PIEZO2: variants seen among roughly 807,000 people sequenced by gnomAD.
PIEZO2 encodes the protein piezo type mechanosensitive ion channel component 2.
PIEZO2 carries 172 observed loss-of-function variants against 337.3 expected under a neutral mutation model. The observed-to-expected ratio is 0.51, with a 90% CI of 0.45 to 0.58. The LOEUF is 0.58. Ranked by LOEUF, PIEZO2 falls within the 20% of genes least tolerant of loss-of-function variation. The pLI is 0.00. For missense variants in PIEZO2, 3,028 were observed against 3,391.3 expected (o/e 0.89, Z 2.66); for synonymous variants, 1,251 against 1,228.5 (o/e 1.02, Z -0.38).
rs1433920416 is a variant in PIEZO2 at position 10,863,316 on chromosome 18, TAC to T, written c.493-6107_493-6106del. Reference sequence around the variant, plus strand: ...AGATGTGTTTGAATGCTATTGTGTGTACCTTATGCAAGCCTAACGTGATCGCA... The same window carrying T: ...AGATGTGTTTGAATGCTATTGTGTGTCTTATGCAAGCCTAACGTGATCGCA... On this transcript the variant is annotated intron_variant, in intron 5 of 55. Coordinates refer to ENST00000674853, the MANE Select transcript of PIEZO2 (RefSeq NM_001378183.1). The surrounding 1 kb of genome is among the most constrained non-coding windows in gnomAD (Gnocchi z 4.3). Among the ~76,000 whole-genome samples, 2 of 152,228 alleles carry T rather than the reference TAC, an allele frequency of 1.3e-5. No homozygotes were observed. The highest frequency in any genetic ancestry group is 2.4e-5 in the African/African-American group (1 of 41,468).
chr18:11,054,436 T>A lies in PIEZO2; in HGVS notation c.160+11691A>T, dbSNP rs145541066. Among the ~76,000 whole-genome samples the A allele has an allele frequency of 2.6e-5, 4 of 152,384 alleles. No homozygotes were observed. The East Asian group carries it at 7.7e-4, about 29-fold the overall frequency. Reference sequence around the variant, plus strand: ...CAGGACTAGAGTTAGTTTCATACGTTCGTCTAAAATCCTAGACACTGGAAA... The same window carrying A: ...CAGGACTAGAGTTAGTTTCATACGTACGTCTAAAATCCTAGACACTGGAAA... On this transcript the variant is annotated intron_variant, in intron 2 of 55. Coordinates refer to ENST00000674853, the MANE Select transcript of PIEZO2 (RefSeq NM_001378183.1).
rs1483881894 is a variant in PIEZO2 at position 10,859,836 on chromosome 18, G to T, written c.493-2625C>A. Among the ~76,000 whole-genome samples the T allele has an allele frequency of 6.6e-6, 1 of 152,212 alleles. No individual in the cohort carries two copies. Among genetic ancestry groups the T allele is most frequent in the African/African-American group, 2.4e-5 (1 of 41,450 alleles). On this transcript the variant is annotated intron_variant, in intron 5 of 55. Transcript: ENST00000674853. This position sits in a 1 kb window ranked among gnomAD's most constrained non-coding sequence, Gnocchi z 4.9. ...TTGCTCCTGGGGCGGAGCAGAGGGA[G>T]GCAGCAGCGGGGAGGTGGTGGCTGT...
At chr18:10,887,903 C>A (rs2042653123) in intron 4 of PIEZO2, among the ~76,000 whole-genome samples, 1 of 152,144 alleles carries the variant, frequency 6.6e-6, no homozygotes, top group African/African-American at 2.4e-5. Context: ...CCCAGCTCAT[C>A]CCACCGTGAT....
chr18:11,001,752 C>T lies in PIEZO2; in HGVS notation c.161-22092G>A, dbSNP rs2035541844. Among the ~76,000 whole-genome samples, 1 of 152,034 alleles carries T rather than the reference C, an allele frequency of 6.6e-6. No individual in the cohort carries two copies. Among genetic ancestry groups the T allele is most frequent in the South Asian group, 2.1e-4 (1 of 4,822 alleles). On this transcript the variant is annotated intron_variant, in intron 2 of 55. Coordinates refer to ENST00000674853, the MANE Select transcript of PIEZO2 (RefSeq NM_001378183.1). The surrounding 1 kb of genome is among the most constrained non-coding windows in gnomAD (Gnocchi z 5.3). The stretch of plus-strand genomic sequence containing the variant: ...AATGGGCCATGCACAGTGGCTCACA[C>T]CTGTAACCCCAGCCACTCGGGAGGC...
chr18:10,944,505 ATCT>A (rs1234899327), intron 3 of PIEZO2, among the ~76,000 whole-genome samples: 1 of 25,144 alleles, frequency 4.0e-5, no homozygotes. Flanking sequence ...ATATATATAT[ATCT>A]TAGTAACAGA....
intron 2 of PIEZO2, among the ~76,000 whole-genome samples, chr18:11,055,248 G>GCAGGGT (rs1217291636): frequency 2.6e-4 from 39 of 151,780 alleles, no homozygotes; most frequent in African/African-American, 9.2e-4. Context: ...TCACCAAGGG[G>GCAGGGT]CAGGGGCAGG....
At chr18:11,051,370 G>GTGTGTGTGTGTGTGTGT (rs1568330522) in intron 2 of PIEZO2, among the ~76,000 whole-genome samples, 2 of 97,234 alleles carry the variant, frequency 2.1e-5, no homozygotes, top group Non-Finnish European at 5.8e-5. Context: ...TGTGTGTGTG[G>GTGTGTGTGTGTGTGTGT]GTGTGGGTGT....
chr18:11,092,516 T>C lies in PIEZO2; in HGVS notation c.65-26294A>G, dbSNP rs1414735781. Among the ~76,000 whole-genome samples, 1 of 152,238 alleles carries C rather than the reference T, an allele frequency of 6.6e-6. No homozygotes were observed. Among genetic ancestry groups the C allele is most frequent in the African/African-American group, 2.4e-5 (1 of 41,460 alleles). ...TTCCGTGGTTACAGATTTTAGTCTA[T>C]ATTTTCTAGAATTAGCATAAATACT... is the stretch of plus-strand genomic sequence containing the variant. On this transcript the variant is annotated intron_variant, in intron 1 of 55. Coordinates refer to ENST00000674853, the MANE Select transcript of PIEZO2 (RefSeq NM_001378183.1). The surrounding 1 kb of genome is among the most constrained non-coding windows in gnomAD (Gnocchi z 4.5).
At chr18:10,768,911 G>A (rs139556616) in intron 21 of PIEZO2, among the ~76,000 whole-genome samples, 11 of 152,206 alleles carry the variant, frequency 7.2e-5, no homozygotes, top group South Asian at 2.1e-4. Flanking sequence ...GATTCTCTGC[G>A]TCCGACTCCC....
Position 10,673,765 on chromosome 18 carries a change from G to T in PIEZO2, c.8162-892C>A, listed in dbSNP as rs1044879616. On this transcript the variant is annotated intron_variant, in intron 54 of 55. Coordinates refer to ENST00000674853, the MANE Select transcript of PIEZO2 (RefSeq NM_001378183.1). This position sits in a 1 kb window ranked among gnomAD's most constrained non-coding sequence, Gnocchi z 4.8. ...ACTATAAACTAAACTGTGTGAAGGT[G>T]GGAGCAACATCAGCATCATTTCATA... is the stretch of plus-strand genomic sequence containing the variant. Among the ~76,000 whole-genome samples, 3 of 152,132 alleles carry T rather than the reference G, an allele frequency of 2.0e-5. No individual in the cohort carries two copies. The highest frequency in any genetic ancestry group is 4.4e-5 in the Non-Finnish European group (3 of 68,024).
chr18:10,807,111 C>A lies in PIEZO2; in HGVS notation c.1080+1G>T. On this transcript the variant is annotated splice_donor_variant, in intron 8 of 55. Transcript: ENST00000674853. LOFTEE classifies it high-confidence loss of function. ...GATCATGAAAATGTTTTTGTCCTTA[C>A]AAGGGGCTCTTGCAGCCAGATGCGG... 1 of 1,532,958 alleles carries A rather than the reference C, an allele frequency of 6.5e-7. No individual in the cohort carries two copies. 95.0% of individuals were successfully genotyped at this position (1,532,958 alleles called of 1,614,324 possible).
chr18:10,802,081 G>C (rs1403763585), intron 9 of PIEZO2, among the ~76,000 whole-genome samples: 1 of 84,588 alleles, frequency 1.2e-5, no homozygotes, highest in Admixed American at 1.6e-4. Flanking sequence ...GCGAGACTCC[G>C]TCTCAAAAAA....
chr18:10,747,648 T>C (rs1477858787), intron 30 of PIEZO2, among the ~76,000 whole-genome samples: 1 of 152,198 alleles, frequency 6.6e-6, no homozygotes, highest in East Asian at 1.9e-4. Context: ...CTCTTTCTAT[T>C]TGACTCCAAG....
chr18:10,961,485 C>A (rs1014916552), intron 3 of PIEZO2, among the ~76,000 whole-genome samples: 8 of 151,924 alleles, frequency 5.3e-5, no homozygotes, highest in African/African-American at 1.9e-4. Flanking sequence ...GATGGGTGAA[C>A]CAAAATCTCA....
chr18:10,965,267 T>A (rs1003229506), intron 3 of PIEZO2, among the ~76,000 whole-genome samples: 3 of 152,254 alleles, frequency 2.0e-5, no homozygotes, highest in African/African-American at 7.2e-5. Context: ...AGCTCCAGTT[T>A]CTCCACATTC....
At position 11,102,981 on chromosome 18, in the gene PIEZO2, C is replaced by G. The variant is rs971276740; in HGVS notation, c.65-36759G>C. Among the ~76,000 whole-genome samples the G allele has an allele frequency of 7.9e-5, 12 of 152,088 alleles. No homozygotes were observed. ...GGTCTTCTGTGGGTCAGGTGTCTCC[C>G]CTGAACCAATCACTCTTGGCTAGGG... is the stretch of plus-strand genomic sequence containing the variant. On this transcript the variant is annotated intron_variant, in intron 1 of 55. Coordinates refer to ENST00000674853, the MANE Select transcript of PIEZO2 (RefSeq NM_001378183.1). This position sits in a 1 kb window ranked among gnomAD's most constrained non-coding sequence, Gnocchi z 5.7.
At chr18:11,091,582 G>A (rs769758186) in intron 1 of PIEZO2, among the ~76,000 whole-genome samples, 16 of 152,080 alleles carry the variant, frequency 1.1e-4, no homozygotes. Context: ...ACGTCATTTG[G>A]TGTGATTCTG....
chr18:11,133,631 G>A (rs2040400077), intron 1 of PIEZO2, among the ~76,000 whole-genome samples: 1 of 152,132 alleles, frequency 6.6e-6, no homozygotes, highest in African/African-American at 2.4e-5. Flanking sequence ...TAACTTCCCA[G>A]TCTATATCTT....
intron 2 of PIEZO2, among the ~76,000 whole-genome samples, chr18:11,058,673 C>T (rs1422863036): frequency 4.6e-5 from 7 of 151,838 alleles, no homozygotes; most frequent in Non-Finnish European, 8.8e-5. Context: ...GAAAGGGTAT[C>T]GGTGATGGAA....
Sources: gnomAD v4.1 joint callset for allele counts (sites outside exome capture counted in the v4.1 genomes callset) on GRCh38, gnomAD v4.1.1 for gene constraint, Gnocchi (gnomAD v3.1) non-coding constraint, MANE v1.5 for transcripts, NCBI Gene and HGNC (gene_info 2026-07-23, HGNC 2026-07-21) for gene names.